SNTG1: variants seen among roughly 807,000 people sequenced by gnomAD.
SNTG1 encodes gamma-1-syntrophin.
In SNTG1, 39 loss-of-function variants were observed where a neutral mutation model predicts 74.7. That is an observed-to-expected ratio of 0.52 (90% CI 0.40 to 0.68). The LOEUF is 0.68. SNTG1 is among the 30% of genes least tolerant of loss of function. The probability of loss-of-function intolerance (pLI) is 0.00; values close to 1 mark genes in which losing one functional copy is unlikely to be tolerated. For synonymous variants in SNTG1, 254 were observed against 217.1 expected, an observed-to-expected ratio of 1.17 and a Z score of -1.49; for missense variants, 685 against 609.5, an observed-to-expected ratio of 1.12 and a Z score of -1.30.
intron 8 of SNTG1, among the ~76,000 whole-genome samples, chr8:50,501,235 C>T (rs2093949528): frequency 6.6e-6 from 1 of 151,968 alleles, no homozygotes; most frequent in African/African-American, 2.4e-5. Context: ...AGTGCCCGGC[C>T]TGTTTGGTGT....
chr8:50,780,080 TG>T (rs2095654237), intron 18 of SNTG1, among the ~76,000 whole-genome samples: 1 of 152,180 alleles, frequency 6.6e-6, no homozygotes, highest in Non-Finnish European at 1.5e-5. Context: ...ATAAGCTTTT[TG>T]ATGTGCTGCT....
At chr8:50,232,350 C>G (rs1202384605) in intron 2 of SNTG1, among the ~76,000 whole-genome samples, 1 of 151,152 alleles carries the variant, frequency 6.6e-6, no homozygotes, top group Non-Finnish European at 1.5e-5. Flanking sequence ...GAAAAATCAC[C>G]TGAATAATAA....
At chr8:50,229,062 GA>G (rs1452778601) in intron 2 of SNTG1, among the ~76,000 whole-genome samples, 1 of 151,516 alleles carries the variant, frequency 6.6e-6, no homozygotes, top group Admixed American at 6.6e-5. Context: ...ATTGTTATTT[GA>G]TTGTGGATTT....
intron 1 of SNTG1, among the ~76,000 whole-genome samples, chr8:49,932,382 AAAG>A (rs1807672513): frequency 6.6e-6 from 1 of 152,106 alleles, no homozygotes. Context: ...AAAAAAATTG[AAAG>A]AACCCACAAA....
intron 9 of SNTG1, among the ~76,000 whole-genome samples, chr8:50,507,266 A>C (rs1408415947): frequency 6.6e-6 from 1 of 152,020 alleles, no homozygotes; most frequent in African/African-American, 2.4e-5. Flanking sequence ...ATTAATATTC[A>C]TCAGGAATAT....
At chr8:50,288,989 T>C (rs1464669723) in intron 2 of SNTG1, among the ~76,000 whole-genome samples, 1 of 152,214 alleles carries the variant, frequency 6.6e-6, no homozygotes, top group Non-Finnish European at 1.5e-5. Context: ...CAAATATTAG[T>C]TCCATTTAGT....
rs2081010796 is a variant in SNTG1, at chr8:50,121,980, T to C, written c.-102-50581T>C. 4.9e-5 allele frequency among the ~76,000 whole-genome samples: 7 copies of C among 141,664 alleles called. 3 individuals carry two copies. In the South Asian group the frequency reaches 1.8e-3, roughly 37 times the overall value. 92.9% of individuals were successfully genotyped at this position (141,664 alleles called of 152,430 possible). Reference sequence around the variant, plus strand: ...TAATAGTGCATTTTGGTGGTAAAAATTCTGGGACTGGGAAAAAACCCAAGT... The same window carrying C: ...TAATAGTGCATTTTGGTGGTAAAAACTCTGGGACTGGGAAAAAACCCAAGT... On this transcript the variant is annotated intron_variant, in intron 1 of 18. Coordinates refer to ENST00000642720, the MANE Select transcript of SNTG1 (RefSeq NM_018967.5).
At chr8:50,741,519 T>G (rs997502514) in intron 17 of SNTG1, among the ~76,000 whole-genome samples, 1 of 152,072 alleles carries the variant, frequency 6.6e-6, no homozygotes, top group Non-Finnish European at 1.5e-5. Context: ...CAAATCTTAT[T>G]CCATGGTATT....
intron 13 of SNTG1, among the ~76,000 whole-genome samples, chr8:50,610,929 T>A (rs1388469914): frequency 1.3e-5 from 2 of 152,190 alleles, no homozygotes; most frequent in Non-Finnish European, 2.9e-5. Flanking sequence ...TGATTAGGAT[T>A]TCTTTTTCGT....
intron 15 of SNTG1, among the ~76,000 whole-genome samples, chr8:50,664,864 T>C (rs1308599497): frequency 6.6e-6 from 1 of 152,162 alleles, no homozygotes; most frequent in Non-Finnish European, 1.5e-5. Flanking sequence ...TCATTCATAA[T>C]AGATGAGCAG....
intron 1 of SNTG1, among the ~76,000 whole-genome samples, chr8:50,111,833 G>GA (rs1048503481): frequency 2.0e-5 from 3 of 151,748 alleles, no homozygotes; most frequent in Non-Finnish European, 4.4e-5. Flanking sequence ...GGAAAGTAAG[G>GA]AAAAGAAAGT....
chr8:50,325,863 G>A (rs2090724098), intron 2 of SNTG1, among the ~76,000 whole-genome samples: 1 of 152,038 alleles, frequency 6.6e-6, no homozygotes, highest in Non-Finnish European at 1.5e-5. Flanking sequence ...TGTGATGTCA[G>A]TTATTCTGTA....
chr8:50,443,274 A>C (rs1023629914), intron 5 of SNTG1, among the ~76,000 whole-genome samples: 1 of 152,148 alleles, frequency 6.6e-6, no homozygotes, highest in African/African-American at 2.4e-5. Flanking sequence ...GTTCATTGTC[A>C]TTTAAAAATT....
At chr8:50,352,726 G>A (rs1307379758) in intron 2 of SNTG1, among the ~76,000 whole-genome samples, 1 of 152,144 alleles carries the variant, frequency 6.6e-6, no homozygotes, top group Non-Finnish European at 1.5e-5. Flanking sequence ...TAGAAGTTAA[G>A]ACAGCTATTA....
intron 8 of SNTG1, among the ~76,000 whole-genome samples, chr8:50,468,932 C>G (rs1425037107): frequency 6.6e-6 from 1 of 152,214 alleles, no homozygotes; most frequent in Non-Finnish European, 1.5e-5. Flanking sequence ...TCCCTCCCAT[C>G]TCTTATGACA....
At chr8:50,701,840 C>CCTG (rs1217177576) in intron 15 of SNTG1, among the ~76,000 whole-genome samples, 17 of 147,292 alleles carry the variant, frequency 1.2e-4, no homozygotes, top group African/African-American at 4.3e-4. Context: ...TCCTCCTCCT[C>CCTG]CTTCTCCCTC....
chr8:50,075,710 C>A (rs553175576), intron 1 of SNTG1, among the ~76,000 whole-genome samples: 1 of 152,296 alleles, frequency 6.6e-6, no homozygotes, highest in East Asian at 1.9e-4. Context: ...TGAGCTGTAA[C>A]ACTCACTGGG....
At chr8:50,548,001 C>G (rs2094399757) in intron 11 of SNTG1, among the ~76,000 whole-genome samples, 1 of 152,156 alleles carries the variant, frequency 6.6e-6, no homozygotes, top group Non-Finnish European at 1.5e-5. Context: ...AGGTAAGCAT[C>G]TGCATATGTA....
At chr8:50,080,943 A>C (rs1384956967) in intron 1 of SNTG1, among the ~76,000 whole-genome samples, 1 of 152,130 alleles carries the variant, frequency 6.6e-6, no homozygotes, top group African/African-American at 2.4e-5. Flanking sequence ...ATTTTGCTCC[A>C]ACTTATTTTC....
Sources: allele counts gnomAD v4.1 joint callset (sites outside exome capture counted in the v4.1 genomes callset), GRCh38; gene constraint gnomAD v4.1.1; transcripts MANE v1.5; gene names NCBI Gene and HGNC (gene_info 2026-07-23, HGNC 2026-07-21).